Variants in SLCO1B3 observed in about 807,000 individuals in gnomAD.
The protein encoded by SLCO1B3 is solute carrier organic anion transporter family member 1B3, also known as liver-specific organic anion transporter 2.
In SLCO1B3, 72 loss-of-function variants were observed where a neutral mutation model predicts 71.8. The ratio of observed to expected loss-of-function variants is 1.00; its 90% confidence interval spans 0.83 to 1.22. The LOEUF is 1.22. Among genes scored for constraint, SLCO1B3 ranks in the 50% most tolerant of loss-of-function variants. The pLI is 0.00. For synonymous variants in SLCO1B3, 298 were observed against 278.4 expected (o/e 1.07, Z -0.70); for missense variants, 911 against 819.7 (o/e 1.11, Z -1.36).
chr12:20,867,734 A>G (rs1016737904), intron 8 of SLCO1B3, among the ~76,000 whole-genome samples: 22 of 152,236 alleles, frequency 1.4e-4, no homozygotes, highest in African/African-American at 2.7e-4. Context: ...GATTGGTATC[A>G]TATAGAAACA....
At chr12:20,836,622 C>A (rs558830222) in intron 3 of SLCO1B3, among the ~76,000 whole-genome samples, 27 of 151,924 alleles carry the variant, frequency 1.8e-4, no homozygotes, top group Non-Finnish European at 3.1e-4. Context: ...ACTATCTGGG[C>A]CTCATTCTTT....
intron 12 of SLCO1B3, 87 bp from the exon 13 acceptor site, chr12:20,883,331 G>T: frequency 1.4e-6 from 1 of 724,352 alleles, no homozygotes; most frequent in South Asian, 3.5e-5. Context: ...ATTTTAGTTT[G>T]AGACTTCTTT....
At chr12:20,858,372 G>A in intron 4 of SLCO1B3, 67 bp from the exon 5 acceptor site, 1 of 1,132,192 alleles carries the variant, frequency 8.8e-7, no homozygotes, top group East Asian at 2.4e-5. Context: ...ATTCATTTGG[G>A]GCATTCAGTT....
At chr12:20,894,192 G>A (rs1045538698) in intron 13 of SLCO1B3, among the ~76,000 whole-genome samples, 3 of 152,048 alleles carry the variant, frequency 2.0e-5, no homozygotes, top group African/African-American at 7.2e-5. Flanking sequence ...AACTTCTTAG[G>A]GTGCCTTTTG....
chr12:20,878,807 G>T (rs183438212), intron 10 of SLCO1B3, among the ~76,000 whole-genome samples: 1 of 152,210 alleles, frequency 6.6e-6, no homozygotes, highest in East Asian at 1.9e-4. Flanking sequence ...ACAGGGATCA[G>T]TCATTTTTAA....
At chr12:20,868,438 C>T (rs7978115) in intron 8 of SLCO1B3, among the ~76,000 whole-genome samples, 110,165 of 152,086 alleles carry the variant, frequency 0.72, 42,506 homozygotes, top group South Asian at 0.9. Context: ...GCTTACTCAT[C>T]TTGTATAAAT....
At chr12:20,818,185 A>T (rs1274857226) in intron 3 of SLCO1B3, among the ~76,000 whole-genome samples, 2 of 152,160 alleles carry the variant, frequency 1.3e-5, no homozygotes, top group African/African-American at 4.8e-5. Context: ...GACAGGTCTG[A>T]CTTCTGAGAA....
intron 15 of SLCO1B3, among the ~76,000 whole-genome samples, chr12:20,910,586 T>C (rs1227919403): frequency 6.6e-6 from 1 of 152,194 alleles, no homozygotes; most frequent in Non-Finnish European, 1.5e-5. Flanking sequence ...ATACTGTACA[T>C]GAACATGGAA....
intron 15 of SLCO1B3, among the ~76,000 whole-genome samples, chr12:20,904,788 T>TC (rs1243044047): frequency 1.2e-5 from 1 of 86,598 alleles, no homozygotes; most frequent in African/African-American, 3.7e-5. Flanking sequence ...TTTTTTTTTT[T>TC]CTTGAGACAG....
intron 3 of SLCO1B3, among the ~76,000 whole-genome samples, chr12:20,847,698 A>AAT (rs71043206): frequency 0.13 from 19,913 of 150,274 alleles, 1,420 homozygotes; most frequent in Middle Eastern, 0.23. Context: ...AGAAGCAGAA[A>AAT]ATATATATAT....
chr12:20,821,308 T>G (rs1204288654), intron 3 of SLCO1B3, among the ~76,000 whole-genome samples: 1 of 152,150 alleles, frequency 6.6e-6, no homozygotes, highest in Non-Finnish European at 1.5e-5. Flanking sequence ...TTTCTGGCAA[T>G]TTGTAACTAC....
intron 15 of SLCO1B3, among the ~76,000 whole-genome samples, chr12:20,910,169 T>C (rs116374480): frequency 0.011 from 1,612 of 152,324 alleles, 21 homozygotes; most frequent in African/African-American, 0.036. Flanking sequence ...TTATTTTGCA[T>C]GTGGATATCT....
intron 15 of SLCO1B3, among the ~76,000 whole-genome samples, chr12:20,907,831 A>G (rs1171006939): frequency 2.0e-5 from 3 of 152,080 alleles, no homozygotes; most frequent in Non-Finnish European, 4.4e-5. Context: ...TTCTATTTAT[A>G]AAAGTATGGA....
At chr12:20,898,669 T>G (rs1400295075) in intron 14 of SLCO1B3, among the ~76,000 whole-genome samples, 169 bp downstream of exon 14, 1 of 152,188 alleles carries the variant, frequency 6.6e-6, no homozygotes, top group Non-Finnish European at 1.5e-5. Flanking sequence ...AATTGAGTGG[T>G]CTAAAAGATA....
rs1285408753 is a variant in SLCO1B3, at chr12:20,844,292, C to T, written c.85-10736C>T. On this transcript the variant is annotated intron_variant, in intron 3 of 15. Transcript: ENST00000381545. ...TTTTTAAATAAAATTTCTGGCCAGG[C>T]GCAGTGGCTCCTCCGTGTAATCCCA... Among the ~76,000 whole-genome samples the T allele has an allele frequency of 5.3e-5, 8 of 152,082 alleles. No homozygotes were observed. In the East Asian group the frequency reaches 1.2e-3, roughly 22 times the overall value.
chr12:20,859,805 T>A (rs989108619), intron 5 of SLCO1B3, among the ~76,000 whole-genome samples: 14 of 152,138 alleles, frequency 9.2e-5, no homozygotes, highest in African/African-American at 3.4e-4. Context: ...GTCATATCTT[T>A]GCATCTGTTA....
At chr12:20,847,250 A>G (rs961392205) in intron 3 of SLCO1B3, among the ~76,000 whole-genome samples, 4 of 152,132 alleles carry the variant, frequency 2.6e-5, no homozygotes, top group Admixed American at 1.3e-4. Flanking sequence ...AAAAATTTAT[A>G]AGAAAAGAGT....
chr12:20,880,955 G>A lies in SLCO1B3; in HGVS notation c.1432G>A (p.Gly478Arg). The A allele has an allele frequency of 6.2e-7, 1 of 1,612,478 alleles. No individual in the cohort carries two copies. The highest frequency in any genetic ancestry group is 8.5e-7 in the Non-Finnish European group (1 of 1,178,760). Residue 478 changes from glycine to arginine, a missense_variant, in exon 12 of 16, where the codon GGA becomes AGA. Physicochemically the swap from Gly to Arg is moderately radical, Grantham distance 125. Transcript: ENST00000381545. ...GTGGGAACCAGTCTGTGGGAACAATGGAATAACTTACCTGTCACCTTGTCT... is the reference window on the plus strand; with the variant it reads ...GTGGGAACCAGTCTGTGGGAACAATAGAATAACTTACCTGTCACCTTGTCT... ...SQWEPVCGNN[G>R]ITYLSPCLAG...
intron 3 of SLCO1B3, among the ~76,000 whole-genome samples, chr12:20,823,103 A>C (rs930648244): frequency 2.0e-5 from 3 of 152,164 alleles, no homozygotes; most frequent in African/African-American, 4.8e-5. Flanking sequence ...AGAGACAAAC[A>C]CACAGTAGAA....
Sources: allele counts gnomAD v4.1 joint callset (sites outside exome capture counted in the v4.1 genomes callset), GRCh38; gene constraint gnomAD v4.1.1; transcripts MANE v1.5; gene names NCBI Gene and HGNC (gene_info 2026-07-23, HGNC 2026-07-21).